HS6ST3: variants seen among roughly 807,000 people sequenced by gnomAD.
HS6ST3 encodes the protein heparan sulfate 6-O-sulfotransferase 3, also known as heparan-sulfate 6-O-sulfotransferase 3.
In HS6ST3, 12 loss-of-function variants were observed where a neutral mutation model predicts 36.7. The observed-to-expected ratio is 0.33, with a 90% CI of 0.21 to 0.53. HS6ST3 has a LOEUF of 0.53. Ranked by LOEUF, HS6ST3 falls within the 20% of genes least tolerant of loss-of-function variation. The pLI is 0.95. For missense variants in HS6ST3, 584 were observed against 640.9 expected (o/e 0.91, Z 0.96); for synonymous variants, 240 against 257.5 (o/e 0.93, Z 0.65).
chr13:96,505,084 A>G (rs61967708), intron 1 of HS6ST3, among the ~76,000 whole-genome samples: 12,658 of 152,244 alleles, frequency 0.083, 582 homozygotes, highest in African/African-American at 0.12. Flanking sequence ...CATAATGGAA[A>G]CATTTCCAGA....
intron 1 of HS6ST3, among the ~76,000 whole-genome samples, chr13:96,557,700 G>GTT: frequency 6.6e-6 from 1 of 152,286 alleles, no homozygotes; most frequent in East Asian, 1.9e-4. Flanking sequence ...CACTTGGGTA[G>GTT]TTTATGCCTT....
At chr13:96,455,708 A>G (rs1165903880) in intron 1 of HS6ST3, among the ~76,000 whole-genome samples, 1 of 152,246 alleles carries the variant, frequency 6.6e-6, no homozygotes, top group Non-Finnish European at 1.5e-5. Context: ...CTTTGAGTAC[A>G]GTTTTAATAT....
chr13:96,754,136 C>T lies in HS6ST3; in HGVS notation c.708-78354C>T, dbSNP rs909006187. On this transcript the variant is annotated intron_variant, in intron 1 of 1. Transcript: ENST00000376705. ...ACCCGGCAAAAATGTTTTTTTGATC[C>T]AAGTTTTTGGAGCATTCCTTTACTG... 5.1e-4 allele frequency among the ~76,000 whole-genome samples: 77 copies of T among 152,200 alleles called. 1 individual carries two copies. The highest frequency in any genetic ancestry group is 1.8e-3 in the African/African-American group (76 of 41,536).
chr13:96,304,621 A>C (rs2054900997), intron 1 of HS6ST3, among the ~76,000 whole-genome samples: 1 of 151,776 alleles, frequency 6.6e-6, no homozygotes, highest in Non-Finnish European at 1.5e-5. Context: ...GAAAGAGAAT[A>C]ACATATATAA....
intron 1 of HS6ST3, among the ~76,000 whole-genome samples, chr13:96,742,499 C>A (rs922448126): frequency 5.9e-5 from 9 of 152,128 alleles, no homozygotes; most frequent in African/African-American, 2.2e-4. Flanking sequence ...ATATACCAGG[C>A]AAATGTTAAC....
chr13:96,779,784 A>C (rs1566451856), intron 1 of HS6ST3, among the ~76,000 whole-genome samples: 1 of 151,704 alleles, frequency 6.6e-6, no homozygotes, highest in Non-Finnish European at 1.5e-5. Context: ...AAAAAAAAAA[A>C]AACATTGTTC....
At chr13:96,787,695 T>C (rs1445152632) in intron 1 of HS6ST3, among the ~76,000 whole-genome samples, 2 of 152,058 alleles carry the variant, frequency 1.3e-5, no homozygotes, top group African/African-American at 4.8e-5. Context: ...GCAAATATTT[T>C]CTCCCAGACT....
intron 1 of HS6ST3, among the ~76,000 whole-genome samples, chr13:96,822,992 C>T (rs558878634): frequency 6.6e-6 from 1 of 152,192 alleles, no homozygotes; most frequent in Non-Finnish European, 1.5e-5. Flanking sequence ...GTCACAAGCT[C>T]TAACCAGACT....
chr13:96,554,553 A>G (rs985157075), intron 1 of HS6ST3, among the ~76,000 whole-genome samples: 3 of 152,150 alleles, frequency 2.0e-5, no homozygotes, highest in Non-Finnish European at 4.4e-5. Context: ...ATCTGGGCAC[A>G]ATCTCCTTAT....
At chr13:96,806,963 A>G (rs1878209929) in intron 1 of HS6ST3, among the ~76,000 whole-genome samples, 1 of 152,192 alleles carries the variant, frequency 6.6e-6, no homozygotes, top group Admixed American at 6.5e-5. Context: ...GATAAGAGCA[A>G]GGCTTCTGGA....
At chr13:96,591,276 G>T (rs1243794817) in intron 1 of HS6ST3, among the ~76,000 whole-genome samples, 1 of 151,948 alleles carries the variant, frequency 6.6e-6, no homozygotes, top group Admixed American at 6.6e-5. Context: ...TCTGTAGAAT[G>T]ATTTGGGTAG....
chr13:96,204,490 G>T (rs1051729295), intron 1 of HS6ST3, among the ~76,000 whole-genome samples: 1 of 151,840 alleles, frequency 6.6e-6, no homozygotes, highest in Non-Finnish European at 1.5e-5. Flanking sequence ...CTCAGGTCTG[G>T]GTCAAGTGGA....
chr13:96,538,121 C>T (rs867257776), intron 1 of HS6ST3, among the ~76,000 whole-genome samples: 1 of 152,144 alleles, frequency 6.6e-6, no homozygotes, highest in Non-Finnish European at 1.5e-5. Context: ...AGGACCCAAA[C>T]ACGAATTAGA....
Position 96,832,524 on chromosome 13 carries a change from G to C in HS6ST3, c.742G>C (p.Val248Leu). The C allele has an allele frequency of 1.9e-6, 3 of 1,597,628 alleles. No homozygotes were observed. Among genetic ancestry groups the C allele is most frequent in the Non-Finnish European group, 2.6e-6 (3 of 1,173,406 alleles). Residue 248 changes from valine (V) to leucine (L), a missense_variant, in exon 2 of 2, where the codon GTG (valine) becomes CTG (leucine). Val to Leu is a conservative substitution (Grantham distance 32, BLOSUM62 1). This residue lies in a region of HS6ST3 where 360 missense variants were observed against 411.3 expected (regional missense o/e 0.88). Coordinates refer to ENST00000376705, the MANE Select transcript of HS6ST3 (RefSeq NM_153456.4). The part of the protein sequence containing the change: ...FYYITMLRDP[V>L]SRYLSEWKHV... ...TTACATCACAATGTTACGGGATCCA[G>C]TGTCACGTTACCTGAGCGAGTGGAA... is the stretch of plus-strand genomic sequence containing the variant.
chr13:96,589,363 T>C (rs1353786015), intron 1 of HS6ST3, among the ~76,000 whole-genome samples: 1 of 152,130 alleles, frequency 6.6e-6, no homozygotes, highest in Non-Finnish European at 1.5e-5. Flanking sequence ...TATGATCCTT[T>C]CTATTTCTGT....
chr13:96,229,659 G>A (rs577094165), intron 1 of HS6ST3, among the ~76,000 whole-genome samples: 12 of 152,106 alleles, frequency 7.9e-5, no homozygotes, highest in Non-Finnish European at 1.3e-4. Context: ...TTGGAGTTAG[G>A]GCTTCAACAT....
At chr13:96,408,411 G>A (rs757261143) in intron 1 of HS6ST3, among the ~76,000 whole-genome samples, 1 of 152,106 alleles carries the variant, frequency 6.6e-6, no homozygotes, top group Non-Finnish European at 1.5e-5. Flanking sequence ...CAGATATGTA[G>A]CTAAAATATA....
chr13:96,543,058 A>G (rs574769325), intron 1 of HS6ST3, among the ~76,000 whole-genome samples: 1 of 152,326 alleles, frequency 6.6e-6, no homozygotes, highest in South Asian at 2.1e-4. Context: ...CTTTTCATGC[A>G]TCACATACCA....
At chr13:96,651,100 G>A (rs1338907817) in intron 1 of HS6ST3, among the ~76,000 whole-genome samples, 1 of 151,880 alleles carries the variant, frequency 6.6e-6, no homozygotes, top group Non-Finnish European at 1.5e-5. Context: ...AGAATTCAAG[G>A]TTTACTTCTA....
Sources: gnomAD v4.1 joint callset for allele counts (sites outside exome capture counted in the v4.1 genomes callset) on GRCh38, gnomAD v4.1.1 for gene constraint, gnomAD v4.1.1 regional missense constraint, MANE v1.5 for transcripts, NCBI Gene and HGNC (gene_info 2026-07-23, HGNC 2026-07-21) for gene names.